The following STK39 variants were observed in gnomAD, a reference collection of about 807,000 sequenced individuals.
The protein encoded by STK39 is serine/threonine kinase 39.
STK39 carries 20 observed loss-of-function variants against 77.8 expected under a neutral mutation model. That is an observed-to-expected ratio of 0.26 (90% CI 0.18 to 0.37). The LOEUF is 0.37. Ranked by LOEUF, STK39 falls within the 10% of genes least tolerant of loss-of-function variation. STK39 has a pLI of 1.00. For missense variants in STK39, 479 were observed against 656.5 expected, an observed-to-expected ratio of 0.73 and a Z score of 2.95; for synonymous variants, 246 against 234.1, an observed-to-expected ratio of 1.05 and a Z score of -0.47.
intron 5 of STK39, among the ~76,000 whole-genome samples, chr2:168,147,310 C>T (rs529580461): frequency 6.6e-6 from 1 of 152,168 alleles, no homozygotes; most frequent in East Asian, 1.9e-4. Context: ...TCTAAACACC[C>T]GGGAACATTT....
At chr2:167,971,734 GAA>G (rs1210322186) in intron 16 of STK39, among the ~76,000 whole-genome samples, 2 of 152,166 alleles carry the variant, frequency 1.3e-5, no homozygotes, top group African/African-American at 4.8e-5. Flanking sequence ...CAATACAAAG[GAA>G]AAAGACTGCA....
At chr2:168,018,546 G>GAAAGA (rs1559059473) in intron 14 of STK39, among the ~76,000 whole-genome samples, 3 of 109,314 alleles carry the variant, frequency 2.7e-5, no homozygotes, top group Non-Finnish European at 5.9e-5. Context: ...AGAAAAGAAA[G>GAAAGA]AAAGAAAGAA....
At position 168,024,341 on chromosome 2, in the gene STK39, G is replaced by A. The variant is rs554369108; in HGVS notation, c.1377-7246C>T. Reference sequence around the variant, plus strand: ...CCTGTTTCCTCAACTGTGAGAGGGGGAAATAATAATTCACAGCTGCTATGG... The same window carrying A: ...CCTGTTTCCTCAACTGTGAGAGGGGAAAATAATAATTCACAGCTGCTATGG... On this transcript the variant is annotated intron_variant, in intron 14 of 17. Coordinates refer to ENST00000355999, the MANE Select transcript of STK39 (RefSeq NM_013233.3). 2.7e-3 allele frequency among the ~76,000 whole-genome samples: 417 copies of A among 152,284 alleles called. 2 individuals are homozygous for A. Among genetic ancestry groups the A allele is most frequent in the African/African-American group, 9.4e-3 (391 of 41,560 alleles).
intron 1 of STK39, among the ~76,000 whole-genome samples, chr2:168,212,568 T>C (rs1689917474): frequency 6.6e-6 from 1 of 152,236 alleles, no homozygotes; most frequent in African/African-American, 2.4e-5. Flanking sequence ...GTTTAGAGCA[T>C]GCCTCAAAGA....
chr2:168,009,525 C>T (rs1439062952), intron 16 of STK39, among the ~76,000 whole-genome samples: 3 of 152,222 alleles, frequency 2.0e-5, no homozygotes, highest in South Asian at 4.1e-4. Context: ...AAGACCCAAG[C>T]GCAAGGAACA....
At chr2:168,125,072 TG>T (rs1223244985) in intron 10 of STK39, among the ~76,000 whole-genome samples, 4 of 152,154 alleles carry the variant, frequency 2.6e-5, no homozygotes, top group African/African-American at 9.7e-5. Flanking sequence ...TGTATACCTA[TG>T]TAACAAACCT....
chr2:167,956,682 A>ACACT (rs1691777956), intron 17 of STK39, among the ~76,000 whole-genome samples: 3 of 42,856 alleles, frequency 7.0e-5, no homozygotes, highest in African/African-American at 2.5e-4. Flanking sequence ...ACACACACAC[A>ACACT]CACACACACA....
At chr2:168,167,554 T>A in intron 2 of STK39, 147 bp from the exon 3 acceptor site, 1 of 638,074 alleles carries the variant, frequency 1.6e-6, no homozygotes, top group Non-Finnish European at 2.7e-6. Context: ...AAAGAAGGTA[T>A]ATAAGGACCA....
chr2:168,123,675 C>A (rs2105494499), intron 10 of STK39, among the ~76,000 whole-genome samples: 1 of 152,022 alleles, frequency 6.6e-6, no homozygotes, highest in South Asian at 2.1e-4. Flanking sequence ...TTCAAGAGAG[C>A]CTGGCCAACA....
intron 16 of STK39, among the ~76,000 whole-genome samples, chr2:167,995,298 C>T (rs1246102106): frequency 3.3e-5 from 5 of 151,918 alleles, no homozygotes; most frequent in Admixed American, 1.3e-4. Flanking sequence ...TTAGTAGAGA[C>T]GGGGTTTCAC....
chr2:168,057,457 T>C (rs1685554406), intron 14 of STK39, among the ~76,000 whole-genome samples: 1 of 152,188 alleles, frequency 6.6e-6, no homozygotes, highest in African/African-American at 2.4e-5. Context: ...CCTCCCAAAG[T>C]GCTGCAATTA....
intron 10 of STK39, among the ~76,000 whole-genome samples, chr2:168,075,529 T>C (rs1188123514): frequency 6.6e-6 from 1 of 152,060 alleles, no homozygotes; most frequent in East Asian, 1.9e-4. Flanking sequence ...ATTTTTCATG[T>C]TTACTTCAGT....
intron 16 of STK39, among the ~76,000 whole-genome samples, chr2:167,988,491 C>T (rs1447920468): frequency 6.6e-6 from 1 of 152,126 alleles, no homozygotes; most frequent in African/African-American, 2.4e-5. Context: ...GTTTTTCAAA[C>T]ACCTCAACAC....
intron 10 of STK39, among the ~76,000 whole-genome samples, chr2:168,119,286 C>T (rs1278001514): frequency 6.6e-6 from 1 of 152,082 alleles, no homozygotes; most frequent in South Asian, 2.1e-4. Context: ...TATTATTGTA[C>T]ATGTTGACTC....
At chr2:168,153,474 C>T (rs946090712) in intron 5 of STK39, among the ~76,000 whole-genome samples, 3 of 152,092 alleles carry the variant, frequency 2.0e-5, no homozygotes, top group African/African-American at 7.2e-5. Context: ...CTAGAGTTTC[C>T]GATTCAGAAG....
chr2:168,234,236 A>T (rs575486312), intron 1 of STK39, among the ~76,000 whole-genome samples: 1 of 152,336 alleles, frequency 6.6e-6, no homozygotes, highest in African/African-American at 2.4e-5. Flanking sequence ...CACCCCATGT[A>T]ACTTTCTGTG....
At chr2:167,958,549 T>C (rs1691848165) in intron 17 of STK39, among the ~76,000 whole-genome samples, 1 of 152,200 alleles carries the variant, frequency 6.6e-6, no homozygotes, top group Non-Finnish European at 1.5e-5. Context: ...ATGTCTTGCT[T>C]AATAAAAGAC....
intron 5 of STK39, among the ~76,000 whole-genome samples, chr2:168,158,473 C>T (rs1331753295): frequency 6.6e-6 from 1 of 152,138 alleles, no homozygotes; most frequent in African/African-American, 2.4e-5. Context: ...GAAGAAGGTG[C>T]TGAATATGTT....
intron 16 of STK39, among the ~76,000 whole-genome samples, chr2:167,998,307 A>G (rs1282958784): frequency 6.6e-6 from 1 of 152,248 alleles, no homozygotes; most frequent in Non-Finnish European, 1.5e-5. Flanking sequence ...GCTCACTTTA[A>G]TTTAGATAAT....
Sources: allele counts gnomAD v4.1 joint callset (sites outside exome capture counted in the v4.1 genomes callset), GRCh38; gene constraint gnomAD v4.1.1; transcripts MANE v1.5; gene names NCBI Gene and HGNC (gene_info 2026-07-23, HGNC 2026-07-21).